Variants in TTLL11 observed in about 807,000 individuals in gnomAD.
TTLL11 encodes the protein tubulin polyglutamylase TTLL11.
In TTLL11, 42 loss-of-function variants were observed where a neutral mutation model predicts 51.7. The ratio of observed to expected loss-of-function variants is 0.81; its 90% CI spans 0.64 to 1.05. The LOEUF (loss-of-function observed/expected upper bound fraction) is 1.05. TTLL11 is among the 50% of genes least tolerant of loss of function. The probability of loss-of-function intolerance (pLI) is 0.00; values close to 1 mark genes in which losing one functional copy is unlikely to be tolerated. For synonymous variants in TTLL11, 381 were observed against 383.5 expected (o/e 0.99, Z 0.08); for missense variants, 799 against 940.4 (o/e 0.85, Z 1.97).
intron 8 of TTLL11, among the ~76,000 whole-genome samples, chr9:121,848,363 C>G (rs1447624688): frequency 1.3e-5 from 2 of 152,206 alleles, no homozygotes; most frequent in Admixed American, 6.5e-5. Flanking sequence ...AAGTCCCCCC[C>G]CTTACCATTC....
chr9:122,058,544 G>A (rs1042431531), intron 1 of TTLL11, among the ~76,000 whole-genome samples: 1 of 152,230 alleles, frequency 6.6e-6, no homozygotes, highest in African/African-American at 2.4e-5. Context: ...GCTCCCGGAT[G>A]CAAGAGGGAG....
At chr9:121,980,181 C>G (rs748210723) in intron 4 of TTLL11, among the ~76,000 whole-genome samples, 1 of 145,920 alleles carries the variant, frequency 6.9e-6, no homozygotes, top group Non-Finnish European at 1.5e-5. Context: ...GCCAGGGGGG[C>G]CTTTCTTTTT....
At chr9:122,026,732 T>C (rs1844355609) in intron 3 of TTLL11, among the ~76,000 whole-genome samples, 1 of 152,036 alleles carries the variant, frequency 6.6e-6, no homozygotes, top group African/African-American at 2.4e-5. Context: ...AGTAACTTTA[T>C]AGTGGAGAAA....
chr9:121,968,593 T>A (rs140952915), intron 6 of TTLL11, among the ~76,000 whole-genome samples: 1 of 152,330 alleles, frequency 6.6e-6, no homozygotes, highest in African/African-American at 2.4e-5. Flanking sequence ...AGTCTCGCTC[T>A]GTTGCCAGGC....
intron 1 of TTLL11, among the ~76,000 whole-genome samples, chr9:122,070,807 G>C (rs1845706615): frequency 6.6e-6 from 1 of 152,170 alleles, no homozygotes; most frequent in African/African-American, 2.4e-5. Flanking sequence ...CAGACAGAGG[G>C]GTTCCTACCT....
intron 6 of TTLL11, among the ~76,000 whole-genome samples, chr9:121,971,189 C>T (rs867480250): frequency 1.1e-4 from 11 of 104,404 alleles, no homozygotes; most frequent in African/African-American, 2.0e-4. Context: ...CCCCGCCCGG[C>T]CAGCCGCCCC....
chr9:122,013,941 A>C (rs932690365), intron 3 of TTLL11, among the ~76,000 whole-genome samples: 3 of 152,240 alleles, frequency 2.0e-5, no homozygotes, highest in Non-Finnish European at 4.4e-5. Context: ...AAAAAATTAG[A>C]AGAAAGGGAT....
At chr9:121,851,710 T>A (rs1378011159) in intron 8 of TTLL11, among the ~76,000 whole-genome samples, 4 of 152,300 alleles carry the variant, frequency 2.6e-5, no homozygotes, top group African/African-American at 9.6e-5. Context: ...AAATCTGGAA[T>A]AAGAGAAATT....
intron 3 of TTLL11, 87 bp downstream of exon 3, chr9:122,031,636 C>T: frequency 6.7e-7 from 1 of 1,502,054 alleles, no homozygotes; most frequent in Non-Finnish European, 9.0e-7. Context: ...CCTGGGACCC[C>T]CTGTCCCAGC....
At chr9:121,934,449 T>C (rs1841117654) in intron 6 of TTLL11, among the ~76,000 whole-genome samples, 1 of 152,170 alleles carries the variant, frequency 6.6e-6, no homozygotes, top group African/African-American at 2.4e-5. Context: ...AGTCTTTAAA[T>C]ATCGTGAAGC....
intron 8 of TTLL11, among the ~76,000 whole-genome samples, chr9:121,835,745 C>T (rs1298911121): frequency 6.6e-6 from 1 of 152,164 alleles, no homozygotes; most frequent in Admixed American, 6.5e-5. Flanking sequence ...CAGTCCAGTC[C>T]CATCCAACGT....
intron 8 of TTLL11, among the ~76,000 whole-genome samples, chr9:121,838,992 G>A (rs569560511): frequency 3.3e-5 from 5 of 152,294 alleles, no homozygotes; most frequent in South Asian, 4.1e-4. Context: ...TCATTTCGCA[G>A]AACCTGCTCC....
chr9:121,956,830 C>T (rs930436479), intron 6 of TTLL11, among the ~76,000 whole-genome samples: 20 of 152,218 alleles, frequency 1.3e-4, no homozygotes, highest in African/African-American at 4.6e-4. Flanking sequence ...CCAGGTGATT[C>T]TGGTGCCCAC....
intron 3 of TTLL11, among the ~76,000 whole-genome samples, chr9:122,012,629 C>T (rs1179065751): frequency 6.6e-6 from 1 of 151,338 alleles, no homozygotes; most frequent in African/African-American, 2.4e-5. Flanking sequence ...TGTTATTGCA[C>T]AGGACTGTCT....
intron 6 of TTLL11, among the ~76,000 whole-genome samples, chr9:121,895,696 AT>A (rs1839463145): frequency 1.1e-5 from 1 of 90,368 alleles, no homozygotes; most frequent in African/African-American, 4.5e-5. Flanking sequence ...TGAATGTGTG[AT>A]TGTGTGGGTT....
intron 1 of TTLL11, among the ~76,000 whole-genome samples, chr9:122,045,127 C>T (rs1426823797): frequency 6.6e-6 from 1 of 151,718 alleles, no homozygotes; most frequent in Non-Finnish European, 1.5e-5. Flanking sequence ...AATCACAGGA[C>T]CTAAGTGTTG....
At chr9:122,082,666 A>T (rs1846029059) in intron 1 of TTLL11, among the ~76,000 whole-genome samples, 1 of 152,200 alleles carries the variant, frequency 6.6e-6, no homozygotes, top group South Asian at 2.1e-4. Context: ...TAACAGAGAA[A>T]GATGTATATG....
At chr9:121,826,035 TG>T (rs946559635) in intron 8 of TTLL11, among the ~76,000 whole-genome samples, 2 of 149,892 alleles carry the variant, frequency 1.3e-5, no homozygotes, top group African/African-American at 4.9e-5. Flanking sequence ...GAGGGGGAGA[TG>T]CTTTTAATTA....
At chr9:122,062,431 T>C (rs1277328388) in intron 1 of TTLL11, among the ~76,000 whole-genome samples, 1 of 150,810 alleles carries the variant, frequency 6.6e-6, no homozygotes, top group Non-Finnish European at 1.5e-5. Flanking sequence ...TGTATCCCAT[T>C]ATAAGAACTG....
Sources: gnomAD v4.1 joint callset for allele counts (sites outside exome capture counted in the v4.1 genomes callset) on GRCh38, gnomAD v4.1.1 for gene constraint, MANE v1.5 for transcripts, NCBI Gene and HGNC (gene_info 2026-07-23, HGNC 2026-07-21) for gene names.